The following NRF1 variants were observed in gnomAD, a reference collection of about 807,000 sequenced individuals.
NRF1 encodes the protein nuclear respiratory factor 1.
NRF1 carries 5 observed loss-of-function variants against 58.5 expected under a neutral mutation model. The ratio of observed to expected loss-of-function variants is 0.09; its 90% CI spans 0.04 to 0.18. The LOEUF (loss-of-function observed/expected upper bound fraction) is 0.18. Among genes scored for constraint, NRF1 ranks in the 10% least tolerant of loss-of-function variants. The pLI is 1.00. For missense variants in NRF1, 288 were observed against 657.7 expected (o/e 0.44, Z 6.15); for synonymous variants, 224 against 246.7 (o/e 0.91, Z 0.86).
Position 129,652,889 on chromosome 7 carries a change from G to A in NRF1, c.-6-4457G>A, listed in dbSNP as rs189032907. On this transcript the variant is annotated intron_variant, in intron 1 of 10. Transcript: ENST00000393232. ...TTACAGGCGTGAGCCACCGCGCCCGGCCAGATTAGTCACTTCTTTGCACAG... is the reference window on the plus strand; with the variant it reads ...TTACAGGCGTGAGCCACCGCGCCCGACCAGATTAGTCACTTCTTTGCACAG... Among the ~76,000 whole-genome samples, 1,142 of 152,336 alleles carry A rather than the reference G, an allele frequency of 7.5e-3. 5 individuals are homozygous for A. Among genetic ancestry groups the A allele is most frequent in the Middle Eastern group, 0.027 (8 of 294 alleles).
At chr7:129,725,856 C>T (rs1803441407) in intron 9 of NRF1, among the ~76,000 whole-genome samples, 1 of 152,138 alleles carries the variant, frequency 6.6e-6, no homozygotes, top group South Asian at 2.1e-4. Context: ...TCTGTCCATT[C>T]GGTTTCTTTT....
chr7:129,643,975 C>T (rs1221970860), intron 1 of NRF1, among the ~76,000 whole-genome samples: 1 of 152,206 alleles, frequency 6.6e-6, no homozygotes, highest in African/African-American at 2.4e-5. Flanking sequence ...TGTGCTTTCA[C>T]AAGCCGTTGC....
chr7:129,659,212 G>A (rs1801728394), intron 2 of NRF1, among the ~76,000 whole-genome samples: 2 of 151,090 alleles, frequency 1.3e-5, no homozygotes, highest in Non-Finnish European at 2.9e-5. Flanking sequence ...CCGAGTAGCT[G>A]GGATTACAGG....
At chr7:129,671,806 A>C (rs1802054056) in intron 3 of NRF1, among the ~76,000 whole-genome samples, 1 of 152,250 alleles carries the variant, frequency 6.6e-6, no homozygotes, top group African/African-American at 2.4e-5. Flanking sequence ...TGGGCATGGA[A>C]GAGTGAACAA....
chr7:129,691,294 T>A (rs1440848450), intron 5 of NRF1, among the ~76,000 whole-genome samples: 2 of 151,826 alleles, frequency 1.3e-5, no homozygotes, highest in Non-Finnish European at 2.9e-5. Flanking sequence ...ATTTTTAGTT[T>A]AGCTTCATCA....
At chr7:129,657,726 C>G in intron 2 of NRF1, 152 bp downstream of exon 2, 1 of 606,534 alleles carries the variant, frequency 1.6e-6, no homozygotes. Flanking sequence ...TCTCCCATCT[C>G]AGCCTCTGGA....
chr7:129,636,298 G>T (rs1162249675), intron 1 of NRF1, among the ~76,000 whole-genome samples: 1 of 149,826 alleles, frequency 6.7e-6, no homozygotes, highest in Non-Finnish European at 1.5e-5. Context: ...ACAGTGGTGT[G>T]ATCTCGGCTC....
intron 9 of NRF1, among the ~76,000 whole-genome samples, chr7:129,722,613 A>T (rs1301761318): frequency 1.3e-5 from 2 of 152,128 alleles, no homozygotes; most frequent in Non-Finnish European, 2.9e-5. Flanking sequence ...CATCCCTGGC[A>T]TTCCAGATTG....
chr7:129,663,728 G>A (rs898476305), intron 2 of NRF1, among the ~76,000 whole-genome samples: 11 of 152,064 alleles, frequency 7.2e-5, no homozygotes, highest in East Asian at 5.8e-4. Context: ...ACGGGGTGGC[G>A]GGCGGGCAGA....
intron 5 of NRF1, among the ~76,000 whole-genome samples, chr7:129,694,943 A>G (rs909604124): frequency 2.0e-5 from 3 of 152,172 alleles, no homozygotes; most frequent in South Asian, 4.1e-4. Flanking sequence ...GAACAATGTG[A>G]TTGGTTAAAT....
At chr7:129,699,185 T>C (rs1156930812) in intron 5 of NRF1, among the ~76,000 whole-genome samples, 1 of 152,230 alleles carries the variant, frequency 6.6e-6, no homozygotes, top group African/African-American at 2.4e-5. Context: ...TCTGAAATGT[T>C]CAGCAGAGTG....
At chr7:129,705,127 T>TA (rs1263150794) in intron 5 of NRF1, among the ~76,000 whole-genome samples, 1 of 152,186 alleles carries the variant, frequency 6.6e-6, no homozygotes, top group African/African-American at 2.4e-5. Context: ...TGAAAAAAGA[T>TA]GGCTTGATGA....
At chr7:129,749,432 T>TAAA (rs11405110) in intron 10 of NRF1, among the ~76,000 whole-genome samples, 1 of 140,946 alleles carries the variant, frequency 7.1e-6, no homozygotes, top group Non-Finnish European at 1.5e-5. Flanking sequence ...TGATACACAT[T>TAAA]AAAAAAAAAA....
At chr7:129,744,289 T>C (rs1312023833) in intron 10 of NRF1, 2 of 1,444,416 alleles carry the variant, frequency 1.4e-6, no homozygotes, top group Non-Finnish European at 9.5e-7. Context: ...TGTGAGGCTG[T>C]CATTCCAGGC....
intron 10 of NRF1, among the ~76,000 whole-genome samples, chr7:129,749,102 T>C (rs1464339880): frequency 6.6e-6 from 1 of 152,194 alleles, no homozygotes; most frequent in Non-Finnish European, 1.5e-5. Flanking sequence ...TGAATAGATA[T>C]CATCATCTGC....
At chr7:129,678,071 T>G (rs1802224632) in intron 4 of NRF1, among the ~76,000 whole-genome samples, 1 of 152,164 alleles carries the variant, frequency 6.6e-6, no homozygotes, top group Non-Finnish European at 1.5e-5. Context: ...AATTACTGAT[T>G]TATATCAGAA....
intron 1 of NRF1, among the ~76,000 whole-genome samples, chr7:129,638,151 T>G (rs1280463272): frequency 2.0e-5 from 3 of 152,148 alleles, no homozygotes; most frequent in African/African-American, 7.2e-5. Flanking sequence ...ATATGTGGTG[T>G]TTTTTTCTGG....
At chr7:129,742,786 G>C (rs1264053956) in intron 10 of NRF1, among the ~76,000 whole-genome samples, 1 of 152,152 alleles carries the variant, frequency 6.6e-6, no homozygotes. Context: ...TGGAAGCTCT[G>C]GAAAGGTTTT....
At chr7:129,639,316 A>G (rs981040784) in intron 1 of NRF1, among the ~76,000 whole-genome samples, 1 of 151,928 alleles carries the variant, frequency 6.6e-6, no homozygotes, top group Non-Finnish European at 1.5e-5. Flanking sequence ...TGGTTATTTG[A>G]TCTTGACTCT....
Sources: gnomAD v4.1 joint callset for allele counts (sites outside exome capture counted in the v4.1 genomes callset) on GRCh38, gnomAD v4.1.1 for gene constraint, MANE v1.5 for transcripts, NCBI Gene and HGNC (gene_info 2026-07-23, HGNC 2026-07-21) for gene names.